ERG: variants seen among roughly 807,000 people sequenced by gnomAD.
ERG encodes the protein transcriptional regulator ERG.
Under a neutral mutation model 55.3 loss-of-function variants are expected in ERG, and 9 were observed. The ratio of observed to expected loss-of-function variants is 0.16; its 90% CI spans 0.10 to 0.28. The LOEUF is 0.28. Among genes scored for constraint, ERG ranks in the 10% least tolerant of loss-of-function variants. The pLI is 1.00. For synonymous variants in ERG, 223 were observed against 237.3 expected (o/e 0.94, Z 0.55); for missense variants, 434 against 631.6 (o/e 0.69, Z 3.35).
Position 38,383,908 on chromosome 21 carries a change from T to A in ERG, c.935A>T (p.Gln312Leu). 6.2e-7 allele frequency: 1 copy of A among 1,613,484 alleles called. No individual in the cohort carries two copies. Among genetic ancestry groups the A allele is most frequent in the Non-Finnish European group, 8.5e-7 (1 of 1,179,842 alleles). ...GAGCTCCAGGAGGAACTGCCAAAGC[T>A]GGATCTGGCCACTGCCTAATGAGGT... The part of the protein sequence containing the change: ...RLANPGSGQI[Q>L]LWQFLLELLS... Residue 312 changes from glutamine (Q) to leucine (L), a missense_variant, in exon 10 of 10, where the codon CAG becomes CTG. By Grantham distance (113) the Gln-to-Leu change is moderately radical (BLOSUM62 -2). Coordinates refer to ENST00000288319, the MANE Select transcript of ERG (RefSeq NM_182918.4). This position sits in a 1 kb window ranked among gnomAD's most constrained non-coding sequence, Gnocchi z 5.7.
At chr21:38,526,196 A>G (rs1404682384) in intron 2 of ERG, among the ~76,000 whole-genome samples, 2 of 152,210 alleles carry the variant, frequency 1.3e-5, no homozygotes, top group African/African-American at 4.8e-5. Context: ...GGGATTGCCC[A>G]TCAAGGAGTA....
Position 38,593,953 on chromosome 21 carries a change from T to G in ERG, c.-149-9008A>C, listed in dbSNP as rs183177279. On this transcript the variant is annotated intron_variant, in intron 1 of 10. Transcript: ENST00000398910. The stretch of plus-strand genomic sequence containing the variant: ...GAAAAATCAAGCAGCATTAAAAGCA[T>G]AAAGAAAAAAGAAGAAAAAATATTT... Among the ~76,000 whole-genome samples the G allele has an allele frequency of 1.6e-3, 243 of 151,246 alleles. 1 individual carries two copies. The highest frequency in any genetic ancestry group is 4.6e-3 in the African/African-American group (188 of 40,828).
At chr21:38,622,679 A>G (rs1467090193) in intron 1 of ERG, among the ~76,000 whole-genome samples, 2 of 146,048 alleles carry the variant, frequency 1.4e-5, no homozygotes, top group East Asian at 4.1e-4. Flanking sequence ...TTACATACAC[A>G]CCATACCACA....
At chr21:38,567,377 C>G (rs1470721940) in intron 2 of ERG, among the ~76,000 whole-genome samples, 11 of 152,050 alleles carry the variant, frequency 7.2e-5, no homozygotes, top group Non-Finnish European at 1.3e-4. Context: ...TATAAAAGTA[C>G]TCATTGTAGA....
At chr21:38,597,229 A>G (rs1209679469) in intron 1 of ERG, among the ~76,000 whole-genome samples, 5 of 152,190 alleles carry the variant, frequency 3.3e-5, no homozygotes, top group African/African-American at 1.2e-4. Flanking sequence ...ATACATATGT[A>G]TATACACATA....
At chr21:38,614,668 G>T (rs1390337265) in intron 1 of ERG, among the ~76,000 whole-genome samples, 2 of 152,230 alleles carry the variant, frequency 1.3e-5, no homozygotes, top group Admixed American at 1.3e-4. Context: ...GCTTCCTTGA[G>T]CCCTGGACTG....
intron 2 of ERG, among the ~76,000 whole-genome samples, chr21:38,434,204 G>C (rs980103089): frequency 2.6e-5 from 4 of 152,152 alleles, no homozygotes; most frequent in Non-Finnish European, 4.4e-5. Context: ...CCAGGTACTG[G>C]AGTTATATCA....
At chr21:38,621,401 G>T (rs774064471) in intron 1 of ERG, among the ~76,000 whole-genome samples, 11 of 152,160 alleles carry the variant, frequency 7.2e-5, no homozygotes, top group Non-Finnish European at 1.5e-4. Context: ...GTCCGTTCCA[G>T]GTGGCAACTT....
chr21:38,368,622 CTTTAAT>C, the ERG span, among the ~76,000 whole-genome samples: 10 of 152,120 alleles, frequency 6.6e-5, no homozygotes, highest in East Asian at 1.7e-3. Context: ...TTTTTATTAA[CTTTAAT>C]TTTGAGTTCA....
intron 2 of ERG, among the ~76,000 whole-genome samples, chr21:38,525,107 C>A (rs562665052): frequency 6.6e-6 from 1 of 152,166 alleles, no homozygotes; most frequent in Admixed American, 6.5e-5. Context: ...CAGAAAGAGA[C>A]AAGAAAATTA....
chr21:38,527,683 G>A (rs2059640095), intron 2 of ERG, among the ~76,000 whole-genome samples: 1 of 152,164 alleles, frequency 6.6e-6, no homozygotes. Context: ...AGGAGAGCAG[G>A]ACCTGTTAAA....
intron 2 of ERG, among the ~76,000 whole-genome samples, chr21:38,555,360 G>T (rs1418306229): frequency 6.6e-6 from 1 of 151,202 alleles, no homozygotes; most frequent in Non-Finnish European, 1.5e-5. Flanking sequence ...TATATTGAAA[G>T]ACTATAAAAA....
intron 1 of ERG, among the ~76,000 whole-genome samples, chr21:38,629,936 A>G (rs1482045813): frequency 2.0e-5 from 3 of 152,186 alleles, no homozygotes; most frequent in Admixed American, 1.3e-4. Flanking sequence ...AAAGAAATGA[A>G]ATTATAATCC....
chr21:38,650,014 A>C (rs2060479278), intron 1 of ERG, among the ~76,000 whole-genome samples: 1 of 152,234 alleles, frequency 6.6e-6, no homozygotes, highest in Non-Finnish European at 1.5e-5. Flanking sequence ...GGTTACCAAT[A>C]ATTGTGCTGC....
At chr21:38,393,206 ACTTGTCCTATAAAC>A (rs1988057133) in intron 6 of ERG, among the ~76,000 whole-genome samples, 1 of 152,216 alleles carries the variant, frequency 6.6e-6, no homozygotes, top group African/African-American at 2.4e-5. Flanking sequence ...AAGTCGTATC[ACTTGTCCTATAAAC>A]CTTCATTTAC....
At chr21:38,373,982 C>T in the ERG span, among the ~76,000 whole-genome samples, 1 of 152,110 alleles carries the variant, frequency 6.6e-6, no homozygotes, top group Non-Finnish European at 1.5e-5. Context: ...CATCCCTCAT[C>T]CTCAAATGTT....
intron 3 of ERG, among the ~76,000 whole-genome samples, 170 bp downstream of exon 3, chr21:38,423,240 G>A (rs931119192): frequency 2.0e-5 from 3 of 151,998 alleles, no homozygotes; most frequent in East Asian, 1.9e-4. Context: ...CTGTCGATCC[G>A]TGAACATGTC....
At chr21:38,468,744 G>C (rs958359210) in intron 1 of ERG, among the ~76,000 whole-genome samples, 7 of 152,084 alleles carry the variant, frequency 4.6e-5, no homozygotes, top group African/African-American at 1.7e-4. Context: ...CCAGCACTTT[G>C]GGAGGCCGAG....
intron 1 of ERG, among the ~76,000 whole-genome samples, chr21:38,479,114 A>T (rs1940983310): frequency 6.6e-6 from 1 of 152,258 alleles, no homozygotes; most frequent in Non-Finnish European, 1.5e-5. Flanking sequence ...TTTGACTATT[A>T]TGCTGGATTT....
Sources: gnomAD v4.1 joint callset for allele counts (sites outside exome capture counted in the v4.1 genomes callset) on GRCh38, gnomAD v4.1.1 for gene constraint, Gnocchi (gnomAD v3.1) non-coding constraint, MANE v1.5 for transcripts, NCBI Gene and HGNC (gene_info 2026-07-23, HGNC 2026-07-21) for gene names.